The following WASF1 variants were observed in gnomAD, a reference collection of about 807,000 sequenced individuals.
WASF1 encodes the protein actin-binding protein WASF1.
WASF1 carries 7 observed loss-of-function variants against 50.5 expected under a neutral mutation model. The ratio of observed to expected loss-of-function variants is 0.14; its 90% CI spans 0.08 to 0.26. WASF1 has a LOEUF of 0.26. WASF1 is among the 10% of genes least tolerant of loss of function. WASF1 has a pLI of 1.00. For synonymous variants in WASF1, 205 were observed against 244.0 expected (o/e 0.84, Z 1.49); for missense variants, 470 against 694.7 (o/e 0.68, Z 3.64).
intron 2 of WASF1, among the ~76,000 whole-genome samples, chr6:110,178,020 GAA>G (rs571778456): frequency 7.2e-6 from 1 of 138,980 alleles, no homozygotes. Context: ...ATTCAAGTTA[GAA>G]AAAAAAAAAC....
chr6:110,158,909 C>T (rs1776139673), intron 3 of WASF1, among the ~76,000 whole-genome samples: 1 of 151,886 alleles, frequency 6.6e-6, no homozygotes, highest in Admixed American at 6.6e-5. Context: ...GTGAGTTAGT[C>T]CTTCCTCTGA....
chr6:110,171,230 A>G (rs1271017864), intron 2 of WASF1, among the ~76,000 whole-genome samples: 3 of 152,198 alleles, frequency 2.0e-5, no homozygotes, highest in African/African-American at 7.2e-5. Flanking sequence ...AATACAGTAT[A>G]TGCTCTCAGA....
intron 8 of WASF1, 106 bp downstream of exon 8, chr6:110,105,301 C>G: frequency 8.7e-7 from 1 of 1,150,880 alleles, no homozygotes; most frequent in Non-Finnish European, 1.2e-6. Context: ...ATATTTATAA[C>G]AGGGTCTGCC....
At chr6:110,169,942 G>C (rs1269388302) in intron 2 of WASF1, among the ~76,000 whole-genome samples, 1 of 151,198 alleles carries the variant, frequency 6.6e-6, no homozygotes, top group African/African-American at 2.4e-5. Flanking sequence ...ATAAATACCA[G>C]AAAATCTACA....
At chr6:110,166,753 A>C (rs181824872) in intron 2 of WASF1, among the ~76,000 whole-genome samples, 2 of 151,954 alleles carry the variant, frequency 1.3e-5, no homozygotes, top group African/African-American at 4.8e-5. Flanking sequence ...CAAACTGTGC[A>C]AAGAATCTTA....
intron 3 of WASF1, among the ~76,000 whole-genome samples, chr6:110,141,046 T>C (rs1775209244): frequency 2.6e-5 from 4 of 152,198 alleles, no homozygotes; most frequent in Admixed American, 2.0e-4. Flanking sequence ...TTTTTTTTTC[T>C]GGAATTTTCC....
Position 110,142,952 on chromosome 6 carries a change from T to TAAAAA in WASF1, c.-28-15328_-28-15324dup, listed in dbSNP as rs5879060. The stretch of plus-strand genomic sequence containing the variant: ...AAAGTAATTTGGTTTCCCAATGATG[T>TAAAAA]AAAAAAAAAAAAAAAAAAAAACTAA... On this transcript the variant is annotated intron_variant, in intron 3 of 10. Transcript: ENST00000392589. Among the ~76,000 whole-genome samples, 13 of 119,142 alleles carry TAAAAA rather than the reference T, an allele frequency of 1.1e-4. 1 individual carries two copies. The highest frequency in any genetic ancestry group is 7.7e-4 in the East Asian group (3 of 3,912). 78.2% of individuals were successfully genotyped at this position (119,142 alleles called of 152,430 possible).
chr6:110,125,167 T>C (rs1202263577), intron 4 of WASF1, among the ~76,000 whole-genome samples: 2 of 152,208 alleles, frequency 1.3e-5, no homozygotes, highest in Admixed American at 6.5e-5. Context: ...GTGAAATGTA[T>C]TCTAAGCTTC....
intron 3 of WASF1, among the ~76,000 whole-genome samples, chr6:110,152,811 G>A (rs1342584056): frequency 6.6e-6 from 1 of 152,190 alleles, no homozygotes; most frequent in African/African-American, 2.4e-5. Context: ...ACATACTGGT[G>A]TAAAATTTGA....
intron 2 of WASF1, among the ~76,000 whole-genome samples, chr6:110,176,340 AAT>A (rs1776927526): frequency 1.3e-5 from 2 of 152,114 alleles, no homozygotes; most frequent in South Asian, 2.1e-4. Flanking sequence ...AAAAACAAAA[AAT>A]ATGTTAACAT....
At chr6:110,128,329 G>A (rs2114518411) in intron 3 of WASF1, among the ~76,000 whole-genome samples, 1 of 152,188 alleles carries the variant, frequency 6.6e-6, no homozygotes, top group African/African-American at 2.4e-5. Flanking sequence ...TACTATAATA[G>A]GGATTTTGTT....
At chr6:110,124,667 G>A (rs530362287) in intron 4 of WASF1, among the ~76,000 whole-genome samples, 3 of 152,250 alleles carry the variant, frequency 2.0e-5, no homozygotes, top group Admixed American at 2.0e-4. Context: ...AGCACTTTGG[G>A]AGGCCGAGGC....
chr6:110,109,906 C>G (rs1773485499), intron 5 of WASF1, among the ~76,000 whole-genome samples: 1 of 151,972 alleles, frequency 6.6e-6, no homozygotes, highest in African/African-American at 2.4e-5. Context: ...TTCCTGTCAT[C>G]CCCTCAAGTA....
intron 5 of WASF1, 87 bp from the exon 6 acceptor site, chr6:110,108,768 AAGTC>A: frequency 7.7e-7 from 1 of 1,303,256 alleles, no homozygotes. Context: ...ATTTGTCTAA[AAGTC>A]AGCATGGCTC....
At chr6:110,143,512 C>T (rs749424428) in intron 3 of WASF1, among the ~76,000 whole-genome samples, 3 of 151,888 alleles carry the variant, frequency 2.0e-5, no homozygotes, top group Admixed American at 2.0e-4. Flanking sequence ...ATTGAGAAAT[C>T]AGAAAAGTAC....
At chr6:110,113,871 G>A (rs1221705432) in intron 4 of WASF1, among the ~76,000 whole-genome samples, 1 of 139,348 alleles carries the variant, frequency 7.2e-6, no homozygotes, top group Admixed American at 7.0e-5. Flanking sequence ...AAAATATACA[G>A]AAATTATAAA....
At chr6:110,137,917 G>A (rs1322928203) in intron 3 of WASF1, among the ~76,000 whole-genome samples, 1 of 152,188 alleles carries the variant, frequency 6.6e-6, no homozygotes, top group Non-Finnish European at 1.5e-5. Flanking sequence ...GTATCACAGG[G>A]TCCTTAGGGT....
intron 4 of WASF1, among the ~76,000 whole-genome samples, chr6:110,117,673 A>G (rs1048102445): frequency 2.0e-5 from 3 of 152,170 alleles, no homozygotes; most frequent in African/African-American, 7.2e-5. Context: ...CACCACAAAG[A>G]TATTCCTCAA....
At chr6:110,153,806 C>G (rs1018143907) in intron 3 of WASF1, among the ~76,000 whole-genome samples, 16 of 148,482 alleles carry the variant, frequency 1.1e-4, no homozygotes, top group Admixed American at 7.4e-4. Flanking sequence ...AAAAAAAAAG[C>G]CAACAATAGG....
Sources: gnomAD v4.1 joint callset for allele counts (sites outside exome capture counted in the v4.1 genomes callset) on GRCh38, gnomAD v4.1.1 for gene constraint, MANE v1.5 for transcripts, NCBI Gene and HGNC (gene_info 2026-07-23, HGNC 2026-07-21) for gene names.